SH3GL1: variants seen among roughly 807,000 people sequenced by gnomAD.
SH3GL1 encodes endophilin-A2.
SH3GL1 carries 21 observed loss-of-function variants against 48.8 expected under a neutral mutation model. That is an observed-to-expected ratio of 0.43 (90% CI 0.30 to 0.62). The LOEUF (loss-of-function observed/expected upper bound fraction) is 0.62, where lower values mean the gene tolerates loss of function less well. Ranked by LOEUF, SH3GL1 falls within the 20% of genes least tolerant of loss-of-function variation. The probability of loss-of-function intolerance (pLI) is 0.11; values close to 1 mark genes in which losing one functional copy is unlikely to be tolerated. For synonymous variants in SH3GL1, 282 were observed against 217.5 expected (o/e 1.30, Z -2.61); for missense variants, 454 against 503.0 (o/e 0.90, Z 0.93).
chr19:4,362,291 G>A lies in SH3GL1; in HGVS notation c.910+38C>T, dbSNP rs568145431. ...AACACCCTCCCCGAATGGCCGAGAAGGCAGCACTGAGGTCGAGGCGGGCCT... is the reference window on the plus strand; with the variant it reads ...AACACCCTCCCCGAATGGCCGAGAAAGCAGCACTGAGGTCGAGGCGGGCCT... On this transcript the variant is annotated intron_variant, in intron 9 of 9. Transcript: ENST00000269886. The A allele has an allele frequency of 2.5e-6, 4 of 1,598,560 alleles. No homozygotes were observed. In the African/African-American group the frequency reaches 5.3e-5, roughly 21 times the overall value.
chr19:4,391,726 T>C (rs1032017871), intron 1 of SH3GL1, among the ~76,000 whole-genome samples: 1 of 152,140 alleles, frequency 6.6e-6, no homozygotes, highest in African/African-American at 2.4e-5. Flanking sequence ...TAGCTTCCTT[T>C]GGGGAAAGGC....
In SH3GL1 at chr19:4,360,798, TG is replaced by T; in HGVS notation, c.*801del. The T allele has an allele frequency of 4.3e-6, 1 of 233,756 alleles. No individual in the cohort carries two copies. The highest frequency in any genetic ancestry group is 8.4e-6 in the Non-Finnish European group (1 of 118,434). 14.5% of individuals were successfully genotyped at this position (233,756 alleles called of 1,614,324 possible). A position where few individuals can be genotyped will look rare whatever the true frequency, so the allele number is the denominator to read the frequency against. Reference sequence around the variant, plus strand: ...GGCTGTGGTCCCGTGTGAGGTGTGCTGGGGTGGGTGTGGGTGGCTGGTGGTG... The same window carrying T: ...GGCTGTGGTCCCGTGTGAGGTGTGCTGGGTGGGTGTGGGTGGCTGGTGGTG... On this transcript the variant is annotated 3_prime_UTR_variant, in exon 10 of 10. Coordinates refer to ENST00000269886, the MANE Select transcript of SH3GL1 (RefSeq NM_003025.4).
chr19:4,366,219 G>C (rs1025769863), intron 3 of SH3GL1, among the ~76,000 whole-genome samples: 9 of 152,220 alleles, frequency 5.9e-5, no homozygotes, highest in Non-Finnish European at 8.8e-5. Flanking sequence ...AGTAAGCTGG[G>C]GGAGAGGCTC....
chr19:4,365,917 G>T (rs1972767051), intron 3 of SH3GL1, among the ~76,000 whole-genome samples: 1 of 152,188 alleles, frequency 6.6e-6, no homozygotes. Context: ...GGGTGCCAGG[G>T]AGGAGGCGCA....
At chr19:4,371,783 C>G (rs1021033393) in intron 1 of SH3GL1, among the ~76,000 whole-genome samples, 1 of 152,124 alleles carries the variant, frequency 6.6e-6, no homozygotes, top group Non-Finnish European at 1.5e-5. Context: ...TCTGCCTGCC[C>G]GTCGGCATCG....
intron 1 of SH3GL1, among the ~76,000 whole-genome samples, chr19:4,377,452 G>C (rs1973032098): frequency 6.6e-6 from 1 of 152,230 alleles, no homozygotes; most frequent in Non-Finnish European, 1.5e-5. Context: ...CCAGGCTCTG[G>C]TGACAGGTGA....
At chr19:4,364,476 G>A (rs781299245) in intron 4 of SH3GL1, 91 of 499,922 alleles carry the variant, frequency 1.8e-4, no homozygotes, top group Non-Finnish European at 2.9e-4. Context: ...TGTTGCCCAG[G>A]CTGCAGTGCA....
At chr19:4,370,296 T>A (rs1229278321) in intron 1 of SH3GL1, among the ~76,000 whole-genome samples, 1 of 152,200 alleles carries the variant, frequency 6.6e-6, no homozygotes, top group East Asian at 1.9e-4. Context: ...GCAGGCTGGC[T>A]GTAGCCCTGA....
chr19:4,365,911 G>A (rs1327109002), intron 3 of SH3GL1, among the ~76,000 whole-genome samples: 2 of 152,210 alleles, frequency 1.3e-5, no homozygotes, highest in Non-Finnish European at 2.9e-5. Flanking sequence ...TCTGGGGGGT[G>A]CCAGGGAGGA....
At chr19:4,386,841 G>A (rs1026772400) in intron 1 of SH3GL1, among the ~76,000 whole-genome samples, 1 of 152,218 alleles carries the variant, frequency 6.6e-6, no homozygotes, top group Non-Finnish European at 1.5e-5. Context: ...CGTGCCTTCC[G>A]TGAGGCATTT....
chr19:4,364,327 A>T (rs1325706829), intron 4 of SH3GL1, 106 bp from the exon 5 acceptor site: 1 of 1,425,818 alleles, frequency 7.0e-7, no homozygotes, highest in African/African-American at 1.4e-5. Context: ...GCTGGAACGC[A>T]GTGGCGCTGT....
At chr19:4,398,405 C>T (rs1366680836) in intron 1 of SH3GL1, among the ~76,000 whole-genome samples, 9 of 149,570 alleles carry the variant, frequency 6.0e-5, no homozygotes, top group Non-Finnish European at 1.2e-4. Context: ...TTTTTCAAGA[C>T]GGAGTCTCGC....
chr19:4,364,890 G>GTGTGTGTGTGTGTGTGTGTA (rs1394193746), intron 4 of SH3GL1, among the ~76,000 whole-genome samples: 43 of 102,882 alleles, frequency 4.2e-4, no homozygotes, highest in Non-Finnish European at 5.1e-4. Context: ...GTGTGTGTGT[G>GTGTGTGTGTGTGTGTGTGTA]TGTGTGTGTA....
At chr19:4,377,809 G>C (rs1973040311) in intron 1 of SH3GL1, among the ~76,000 whole-genome samples, 1 of 152,204 alleles carries the variant, frequency 6.6e-6, no homozygotes, top group South Asian at 2.1e-4. Flanking sequence ...GCTGACCACG[G>C]CCTCAGCACA....
At chr19:4,362,760 G>A in intron 7 of SH3GL1, 24 bp from the exon 8 acceptor site, 3 of 1,613,308 alleles carry the variant, frequency 1.9e-6, no homozygotes, top group Non-Finnish European at 2.5e-6. Flanking sequence ...GGCGTGAGTG[G>A]ACCGAGCCCG....
In SH3GL1 at chr19:4,398,625, G is replaced by A. The variant is rs180683156; in HGVS notation, c.45+1699C>T. 3.7e-3 allele frequency among the ~76,000 whole-genome samples: 560 copies of A among 151,730 alleles called. 5 individuals carry two copies. Among genetic ancestry groups the A allele is most frequent in the African/African-American group, 0.013 (520 of 41,366 alleles). ...TGGCTTCAAGTGATCCGCCCGCCTC[G>A]GCCTCCCAAACTGCTGGGATTCCAG... On this transcript the variant is annotated intron_variant, in intron 1 of 9. Transcript: ENST00000269886.
intron 1 of SH3GL1, among the ~76,000 whole-genome samples, chr19:4,386,327 A>T (rs1973234106): frequency 6.6e-6 from 1 of 152,212 alleles, no homozygotes; most frequent in Admixed American, 6.5e-5. Context: ...CTTCCTGAGA[A>T]TAAGGGTCTC....
intron 1 of SH3GL1, among the ~76,000 whole-genome samples, chr19:4,384,235 G>A (rs1475821649): frequency 1.3e-5 from 2 of 152,172 alleles, no homozygotes; most frequent in African/African-American, 2.4e-5. Flanking sequence ...AGCTGATGGC[G>A]CAGGAGCCCC....
intron 1 of SH3GL1, among the ~76,000 whole-genome samples, chr19:4,396,332 G>T (rs2144930650): frequency 6.6e-6 from 1 of 152,278 alleles, no homozygotes; most frequent in African/African-American, 2.4e-5. Context: ...AGAGGAGGCG[G>T]AGGTTGCAGT....
Sources: allele counts gnomAD v4.1 joint callset (sites outside exome capture counted in the v4.1 genomes callset), GRCh38; gene constraint gnomAD v4.1.1; transcripts MANE v1.5; gene names NCBI Gene and HGNC (gene_info 2026-07-23, HGNC 2026-07-21).